DPYD: variants seen among roughly 807,000 people sequenced by gnomAD.
DPYD encodes dihydropyrimidine dehydrogenase, also known as dihydropyrimidine dehydrogenase [NADP(+)].
DPYD carries 109 observed loss-of-function variants against 116.2 expected under a neutral mutation model. The ratio of observed to expected loss-of-function variants is 0.94; its 90% CI spans 0.80 to 1.10. The LOEUF is 1.10. Ranked by LOEUF, DPYD falls within the 50% of genes least tolerant of loss-of-function variation. The pLI is 0.00. For synonymous variants in DPYD, 440 were observed against 432.0 expected, an observed-to-expected ratio of 1.02 and a Z score of -0.23; for missense variants, 1,302 against 1,254.5, an observed-to-expected ratio of 1.04 and a Z score of -0.57.
chr1:97,552,808 T>C (rs559040462), intron 11 of DPYD, among the ~76,000 whole-genome samples: 5 of 152,188 alleles, frequency 3.3e-5, no homozygotes, highest in African/African-American at 1.2e-4. Context: ...GAAAATTAAC[T>C]ACCAAATTTC....
At chr1:97,396,628 G>A (rs1254807790) in intron 14 of DPYD, among the ~76,000 whole-genome samples, 2 of 152,030 alleles carry the variant, frequency 1.3e-5, no homozygotes, top group Non-Finnish European at 2.9e-5. Context: ...GTTAAGGGCT[G>A]ATGATAGGGT....
intron 18 of DPYD, among the ~76,000 whole-genome samples, chr1:97,238,248 A>G (rs574726355): frequency 1.3e-5 from 2 of 152,276 alleles, no homozygotes; most frequent in South Asian, 4.1e-4. Context: ...TCTCTGAGGA[A>G]ATGAGATCCA....
At chr1:97,206,872 GAC>G (rs1196283141) in intron 19 of DPYD, among the ~76,000 whole-genome samples, 2 of 150,164 alleles carry the variant, frequency 1.3e-5, no homozygotes, top group Non-Finnish European at 3.0e-5. Flanking sequence ...TTTATACATA[GAC>G]ACATATATAC....
rs1304912613 is a variant in DPYD at position 97,418,596 on chromosome 1, A to G, written c.1905+31463T>C. ...ATTAAAGGCGTGAGTCACTGCACCCAGCCTAAGATGATTTCTTATATTAAA... is the reference window on the plus strand; with the variant it reads ...ATTAAAGGCGTGAGTCACTGCACCCGGCCTAAGATGATTTCTTATATTAAA... On this transcript the variant is annotated intron_variant, in intron 14 of 22. Coordinates refer to ENST00000370192, the MANE Select transcript of DPYD (RefSeq NM_000110.4). Among the ~76,000 whole-genome samples the G allele has an allele frequency of 2.6e-5, 4 of 152,160 alleles. No individual in the cohort carries two copies. In the East Asian group the frequency reaches 7.7e-4, roughly 29 times the overall value.
chr1:97,714,414 A>C (rs912960520), intron 5 of DPYD, among the ~76,000 whole-genome samples: 1 of 151,716 alleles, frequency 6.6e-6, no homozygotes. Context: ...GGGTTTTACC[A>C]TGTTGGCCAA....
chr1:97,517,699 TTAGAC>T (rs1470636214), intron 12 of DPYD, among the ~76,000 whole-genome samples: 1 of 152,072 alleles, frequency 6.6e-6, no homozygotes, highest in African/African-American at 2.4e-5. Context: ...AGTTTTAGGG[TTAGAC>T]TAAAGAAGAA....
chr1:97,521,220 T>C (rs1648635862), intron 12 of DPYD, among the ~76,000 whole-genome samples: 1 of 152,246 alleles, frequency 6.6e-6, no homozygotes. Flanking sequence ...ATTTCTCTAA[T>C]GACCAGTGAT....
intron 8 of DPYD, among the ~76,000 whole-genome samples, chr1:97,644,499 G>T (rs1015029190): frequency 6.6e-6 from 1 of 152,070 alleles, no homozygotes; most frequent in African/African-American, 2.4e-5. Flanking sequence ...CACAATCTTG[G>T]CTCACTGCAA....
chr1:97,194,671 A>AT (rs1219950667), intron 19 of DPYD, among the ~76,000 whole-genome samples: 9 of 151,802 alleles, frequency 5.9e-5, no homozygotes, highest in Non-Finnish European at 1.0e-4. Context: ...TGTCCAGCTA[A>AT]TTTTTGTATT....
At chr1:97,255,856 A>T (rs1250056859) in intron 18 of DPYD, among the ~76,000 whole-genome samples, 1 of 152,022 alleles carries the variant, frequency 6.6e-6, no homozygotes. Context: ...GCTGACTTTC[A>T]GCAGCAGAAC....
intron 12 of DPYD, among the ~76,000 whole-genome samples, chr1:97,544,998 C>T (rs984448607): frequency 1.1e-4 from 16 of 151,946 alleles, no homozygotes; most frequent in African/African-American, 3.6e-4. Context: ...GCAGGCTGCT[C>T]AGTAAGATTT....
rs766635900 is a variant in DPYD at position 97,883,338 on chromosome 1, C to T, written c.76G>A (p.Ala26Thr). ...TTGGCCGAAGTGGAACACAGAGTTG[C>T]ATGAGTTTGTGTTCGAGGATTTAAA... ...LALNPRTQTH[A>T]TLCSTSAKKL... The change falls in exon 2 of 23, where the codon GCA (alanine) becomes ACA (threonine). Residue 26 changes from alanine to threonine, a missense_variant. Transcript: ENST00000370192. The T allele has an allele frequency of 4.3e-6, 7 of 1,612,380 alleles. No homozygotes were observed. Among genetic ancestry groups the T allele is most frequent in the South Asian group, 1.1e-5 (1 of 91,046 alleles).
Position 97,515,755 on chromosome 1 carries a change from C to CA in DPYD, c.1710dup (p.Ala571CysfsTer9). Reference sequence around the variant, plus strand: ...TCAAGAGAGAAAGTTTTGGTGAGGGCAAAACCCCATCCAGCTTCAAAAGCT... The same window carrying CA: ...TCAAGAGAGAAAGTTTTGGTGAGGGCAAAAACCCCATCCAGCTTCAAAAGCT... On this transcript the variant is annotated frameshift_variant, in exon 13 of 23. Coordinates refer to ENST00000370192, the MANE Select transcript of DPYD (RefSeq NM_000110.4). LOFTEE classifies it high-confidence loss of function. 1 of 1,612,672 alleles carries CA rather than the reference C, an allele frequency of 6.2e-7. No homozygotes were observed. The highest frequency in any genetic ancestry group is 2.2e-5 in the East Asian group (1 of 44,844).
chr1:97,828,626 A>G (rs918911813), intron 2 of DPYD, among the ~76,000 whole-genome samples: 3 of 152,066 alleles, frequency 2.0e-5, no homozygotes, highest in African/African-American at 7.2e-5. Context: ...ACCAAGTTCT[A>G]AATAAGCTAG....
intron 10 of DPYD, among the ~76,000 whole-genome samples, chr1:97,591,714 A>C (rs894008980): frequency 6.6e-6 from 1 of 152,174 alleles, no homozygotes; most frequent in Non-Finnish European, 1.5e-5. Flanking sequence ...CTTTTCTAAC[A>C]TTGGAATCAG....
chr1:97,281,882 T>C (rs1189541954), intron 18 of DPYD, among the ~76,000 whole-genome samples: 2 of 152,140 alleles, frequency 1.3e-5, no homozygotes, highest in Non-Finnish European at 2.9e-5. Flanking sequence ...GAATTATATA[T>C]TGCCTTTAAA....
At chr1:97,575,409 G>A (rs1304029764) in intron 10 of DPYD, among the ~76,000 whole-genome samples, 1 of 151,908 alleles carries the variant, frequency 6.6e-6, no homozygotes, top group Non-Finnish European at 1.5e-5. Flanking sequence ...ATAGCAGGGA[G>A]GATTAAGAAA....
In DPYD at chr1:97,225,047, ATCTATCTATCTG is replaced by A. The variant is rs1362769008; in HGVS notation, c.2442+9793_2442+9804del. ...TATCTATCTATCTATCTATCTATCT[ATCTATCTATCTG>A]TCTATCATCTATCTATATGTAGTGC... On this transcript the variant is annotated intron_variant, in intron 19 of 22. Coordinates refer to ENST00000370192, the MANE Select transcript of DPYD (RefSeq NM_000110.4). Among the ~76,000 whole-genome samples, 173 of 142,216 alleles carry A rather than the reference ATCTATCTATCTG, an allele frequency of 1.2e-3. 1 individual carries two copies. Among genetic ancestry groups the A allele is most frequent in the South Asian group, 4.3e-3 (19 of 4,400 alleles). The allele number at this position is 142,216 out of a possible 152,430, so 93.3% of individuals were successfully genotyped here. A position where few individuals can be genotyped will look rare whatever the true frequency, so the allele number is the denominator to read the frequency against.
chr1:97,454,645 C>G (rs951788175), intron 13 of DPYD, among the ~76,000 whole-genome samples: 3 of 151,698 alleles, frequency 2.0e-5, no homozygotes, highest in African/African-American at 7.2e-5. Context: ...TATTAGTGAC[C>G]TTTTAACATT....
Sources: gnomAD v4.1 joint callset for allele counts (sites outside exome capture counted in the v4.1 genomes callset) on GRCh38, gnomAD v4.1.1 for gene constraint, MANE v1.5 for transcripts, NCBI Gene and HGNC (gene_info 2026-07-23, HGNC 2026-07-21) for gene names.